SMOC1: variants seen among roughly 807,000 people sequenced by gnomAD.
The protein encoded by SMOC1 is SPARC related modular calcium binding 1.
SMOC1 carries 22 observed loss-of-function variants against 56.3 expected under a neutral mutation model. That is an observed-to-expected ratio of 0.39 (90% CI 0.28 to 0.56). The LOEUF is 0.56. SMOC1 is among the 20% of genes least tolerant of loss of function. SMOC1 has a pLI of 0.61. For synonymous variants in SMOC1, 193 were observed against 215.0 expected (o/e 0.90, Z 0.89); for missense variants, 509 against 565.4 (o/e 0.90, Z 1.01).
chr14:69,963,832 G>A (rs1464588263), intron 3 of SMOC1, among the ~76,000 whole-genome samples: 1 of 152,222 alleles, frequency 6.6e-6, no homozygotes, highest in Non-Finnish European at 1.5e-5. Flanking sequence ...GTGCAGGAAG[G>A]ACTTGTCTAG....
intron 1 of SMOC1, among the ~76,000 whole-genome samples, chr14:69,881,444 C>G (rs1883635827): frequency 6.6e-6 from 1 of 152,024 alleles, no homozygotes; most frequent in East Asian, 1.9e-4. Context: ...TCCTTCCTGG[C>G]CTCCTGGAAT....
At chr14:69,879,951 T>C (rs1008182785) in intron 1 of SMOC1, among the ~76,000 whole-genome samples, 174 bp downstream of exon 1, 6 of 152,134 alleles carry the variant, frequency 3.9e-5, no homozygotes, top group African/African-American at 1.4e-4. Context: ...TTTTCTCCCA[T>C]TGGAGCCACC....
chr14:69,982,037 C>A (rs1193527158), intron 5 of SMOC1, among the ~76,000 whole-genome samples: 1 of 152,118 alleles, frequency 6.6e-6, no homozygotes, highest in African/African-American at 2.4e-5. Flanking sequence ...TCTGGCAGTT[C>A]TCTGTGAGCT....
chr14:69,986,223 A>G (rs1490997261), intron 5 of SMOC1, among the ~76,000 whole-genome samples: 1 of 152,216 alleles, frequency 6.6e-6, no homozygotes, highest in African/African-American at 2.4e-5. Context: ...GAGATGGAGA[A>G]CAGATTAGTG....
intron 5 of SMOC1, among the ~76,000 whole-genome samples, chr14:69,983,533 C>T (rs893055351): frequency 8.5e-5 from 13 of 152,228 alleles, no homozygotes; most frequent in African/African-American, 3.1e-4. Flanking sequence ...GAAGTTGCCA[C>T]CTCTGCAGGG....
intron 3 of SMOC1, among the ~76,000 whole-genome samples, chr14:69,965,747 T>C (rs961472113): frequency 1.3e-5 from 2 of 152,096 alleles, no homozygotes; most frequent in African/African-American, 4.8e-5. Context: ...CTTTTTAGGA[T>C]TTTATGAAAC....
intron 1 of SMOC1, among the ~76,000 whole-genome samples, chr14:69,880,826 C>T (rs1490832071): frequency 6.6e-6 from 1 of 152,210 alleles, no homozygotes. Context: ...GGCCCTTTAC[C>T]ACCTGTTCAG....
chr14:70,011,584 C>T lies in SMOC1; in HGVS notation c.940+17C>T, dbSNP rs1885344246. Reference sequence around the variant, plus strand: ...AGCTACCAGGTGGGAGACGATGCTGCCCTGCCGGCGCCATCACCTCCTTCT... The same window carrying T: ...AGCTACCAGGTGGGAGACGATGCTGTCCTGCCGGCGCCATCACCTCCTTCT... On this transcript the variant is annotated intron_variant, in intron 9 of 11. Coordinates refer to ENST00000361956, the MANE Select transcript of SMOC1 (RefSeq NM_001034852.3). 1 of 1,611,988 alleles carries T rather than the reference C, an allele frequency of 6.2e-7. No homozygotes were observed. Among genetic ancestry groups the T allele is most frequent in the Admixed American group, 1.7e-5 (1 of 60,022 alleles).
chr14:69,987,920 G>T (rs1884425581), intron 5 of SMOC1, among the ~76,000 whole-genome samples: 1 of 152,226 alleles, frequency 6.6e-6, no homozygotes, highest in Non-Finnish European at 1.5e-5. Context: ...GGCTGCACCT[G>T]CAAGGACAAG....
At chr14:70,007,274 T>C (rs1325788748) in intron 7 of SMOC1, among the ~76,000 whole-genome samples, 1 of 152,232 alleles carries the variant, frequency 6.6e-6, no homozygotes, top group Admixed American at 6.5e-5. Flanking sequence ...GTAATGAGTT[T>C]GAAGTGAGTT....
At chr14:70,016,274 A>G (rs1205555268) in intron 10 of SMOC1, among the ~76,000 whole-genome samples, 2 of 152,380 alleles carry the variant, frequency 1.3e-5, no homozygotes, top group East Asian at 3.8e-4. Flanking sequence ...AGGGAAGAGG[A>G]TCTTTTTTCC....
At chr14:69,974,163 GT>G (rs1438837767) in intron 3 of SMOC1, among the ~76,000 whole-genome samples, 32 of 152,300 alleles carry the variant, frequency 2.1e-4, no homozygotes, top group South Asian at 4.1e-4. Flanking sequence ...CTAGCATGCA[GT>G]CCCTGAGGTC....
At chr14:70,010,452 C>T (rs1287195590) in intron 7 of SMOC1, among the ~76,000 whole-genome samples, 1 of 152,232 alleles carries the variant, frequency 6.6e-6, no homozygotes, top group East Asian at 1.9e-4. Context: ...GACAAGCTGC[C>T]ACTCTGAGAA....
intron 7 of SMOC1, among the ~76,000 whole-genome samples, chr14:70,009,561 A>G (rs1473155724): frequency 1.2e-4 from 18 of 152,258 alleles, no homozygotes; most frequent in Admixed American, 1.2e-3. Context: ...AACAATCTGT[A>G]AACATTCAGT....
In SMOC1 at chr14:69,984,103, T is replaced by G. The variant is rs189750273; in HGVS notation, c.526+6138T>G. Reference sequence around the variant, plus strand: ...AATAAAGCTAGAGTTCTAGAGATAGTGTGGTATTTGTGGAGTAACAGATGC... The same window carrying G: ...AATAAAGCTAGAGTTCTAGAGATAGGGTGGTATTTGTGGAGTAACAGATGC... On this transcript the variant is annotated intron_variant, in intron 5 of 11. Transcript: ENST00000361956. Among the ~76,000 whole-genome samples, 67 of 152,326 alleles carry G rather than the reference T, an allele frequency of 4.4e-4. No homozygotes were observed. The Middle Eastern group carries it at 0.031, about 70-fold the overall frequency.
At chr14:70,027,382 T>TGGG (rs1025582254) in intron 11 of SMOC1, among the ~76,000 whole-genome samples, 3 of 149,176 alleles carry the variant, frequency 2.0e-5, no homozygotes, top group African/African-American at 7.4e-5. Context: ...GAGTGGCCAG[T>TGGG]GGGGGAGTCT....
intron 1 of SMOC1, among the ~76,000 whole-genome samples, chr14:69,911,283 C>T (rs1884550110): frequency 1.3e-5 from 2 of 152,190 alleles, no homozygotes; most frequent in African/African-American, 4.8e-5. Flanking sequence ...AGGGCAGATA[C>T]TGAGACTGGG....
At chr14:70,005,253 G>A (rs907912137) in intron 7 of SMOC1, among the ~76,000 whole-genome samples, 1 of 152,230 alleles carries the variant, frequency 6.6e-6, no homozygotes, top group Admixed American at 6.5e-5. Flanking sequence ...CTAAAATCAA[G>A]TCTGGGGATT....
chr14:69,946,562 T>C (rs1882792156), intron 1 of SMOC1, among the ~76,000 whole-genome samples: 1 of 152,250 alleles, frequency 6.6e-6, no homozygotes, highest in Admixed American at 6.5e-5. Flanking sequence ...GTAAAACTGC[T>C]ATTTCCCTCT....
Sources: gnomAD v4.1 joint callset for allele counts (sites outside exome capture counted in the v4.1 genomes callset) on GRCh38, gnomAD v4.1.1 for gene constraint, MANE v1.5 for transcripts, NCBI Gene and HGNC (gene_info 2026-07-23, HGNC 2026-07-21) for gene names.